Variants in PRKAR1B observed in about 807,000 individuals in gnomAD.
The protein encoded by PRKAR1B is protein kinase cAMP-dependent type I regulatory subunit beta.
A neutral mutation model predicts 46.5 loss-of-function variants in PRKAR1B; 22 were observed. The observed-to-expected ratio is 0.47, with a 90% CI of 0.34 to 0.68. The LOEUF (loss-of-function observed/expected upper bound fraction) is 0.68. PRKAR1B is among the 30% of genes least tolerant of loss of function. The probability of loss-of-function intolerance (pLI) is 0.01; values close to 1 mark genes in which losing one functional copy is unlikely to be tolerated. For missense variants in PRKAR1B, 445 were observed against 535.6 expected, an observed-to-expected ratio of 0.83 and a Z score of 1.67; for synonymous variants, 259 against 217.7, an observed-to-expected ratio of 1.19 and a Z score of -1.67.
At chr7:595,204 G>A (rs1418462798) in intron 7 of PRKAR1B, among the ~76,000 whole-genome samples, 3 of 152,218 alleles carry the variant, frequency 2.0e-5, no homozygotes, top group African/African-American at 7.2e-5. Context: ...GCCCAGCCCT[G>A]TGCTGCTGTT....
chr7:577,855 G>C (rs1048848824), intron 9 of PRKAR1B, among the ~76,000 whole-genome samples: 1 of 152,260 alleles, frequency 6.6e-6, no homozygotes, highest in African/African-American at 2.4e-5. Flanking sequence ...GCAGTGTTTG[G>C]TGTTACAGCT....
At chr7:709,090 A>G (rs1297491595) in intron 2 of PRKAR1B, among the ~76,000 whole-genome samples, 1 of 126,524 alleles carries the variant, frequency 7.9e-6, no homozygotes, top group Non-Finnish European at 1.6e-5. Context: ...CGCACCCACC[A>G]GCCCCAATAT....
At chr7:697,667 G>T (rs1376759350) in intron 2 of PRKAR1B, among the ~76,000 whole-genome samples, 2 of 151,836 alleles carry the variant, frequency 1.3e-5, no homozygotes, top group Non-Finnish European at 2.9e-5. Flanking sequence ...CCCCAGGCCA[G>T]GACCCATAAG....
At chr7:557,302 C>T (rs763039899) in intron 9 of PRKAR1B, among the ~76,000 whole-genome samples, 6 of 152,230 alleles carry the variant, frequency 3.9e-5, no homozygotes, top group Admixed American at 1.3e-4. Context: ...AGCCACGACT[C>T]GGGAGGGCCA....
intron 1 of PRKAR1B, among the ~76,000 whole-genome samples, chr7:718,236 C>T (rs887382761): frequency 6.6e-6 from 1 of 150,800 alleles, no homozygotes; most frequent in Non-Finnish European, 1.5e-5. Flanking sequence ...CAGGCCTTCA[C>T]TGGGGGAAGC....
chr7:622,475 G>A (rs539781001), intron 4 of PRKAR1B, among the ~76,000 whole-genome samples: 27 of 152,350 alleles, frequency 1.8e-4, no homozygotes, highest in African/African-American at 6.3e-4. Flanking sequence ...GAACATGAAT[G>A]TGCTAGGATC....
At chr7:709,122 A>G (rs1388972039) in intron 2 of PRKAR1B, among the ~76,000 whole-genome samples, 1 of 149,718 alleles carries the variant, frequency 6.7e-6, no homozygotes, top group African/African-American at 2.4e-5. Context: ...AAAAAAAAAA[A>G]AAAAAAAAAA....
At position 621,866 on chromosome 7, in the gene PRKAR1B, A is replaced by G. The variant is rs1783123078; in HGVS notation, c.441-14414T>C. On this transcript the variant is annotated intron_variant, in intron 4 of 10. Transcript: ENST00000537384. ...TGAGGCTTGTGAAGCACTCAGCAGAATAAGGGGCTCCCACGGTCAGCAGCT... is the reference window on the plus strand; with the variant it reads ...TGAGGCTTGTGAAGCACTCAGCAGAGTAAGGGGCTCCCACGGTCAGCAGCT... 2.0e-5 allele frequency among the ~76,000 whole-genome samples: 3 copies of G among 152,328 alleles called. No homozygotes were observed. The South Asian group carries it at 6.2e-4, about 32-fold the overall frequency.
At chr7:615,779 G>T (rs1208120538) in intron 4 of PRKAR1B, among the ~76,000 whole-genome samples, 1 of 131,762 alleles carries the variant, frequency 7.6e-6, no homozygotes, top group Non-Finnish European at 1.5e-5. Context: ...AGTGAGCCGA[G>T]ATCGCGCCAC....
chr7:586,922 T>C lies in PRKAR1B; in HGVS notation c.709-2354A>G, dbSNP rs545546527. Among the ~76,000 whole-genome samples, 33 of 151,378 alleles carry C rather than the reference T, an allele frequency of 2.2e-4. 1 individual carries two copies. In the South Asian group the frequency reaches 6.6e-3, roughly 30 times the overall value. On this transcript the variant is annotated intron_variant, in intron 7 of 10. Coordinates refer to ENST00000537384, the MANE Select transcript of PRKAR1B (RefSeq NM_001164760.2). ...TTTTTTTGAGACAGTCTCACTCTGT[T>C]GCCCAGGCTGGAGTGTAGTGGTGCG...
At chr7:701,308 GAAAGAAAGA>G (rs1018571426) in intron 2 of PRKAR1B, among the ~76,000 whole-genome samples, 2 of 150,496 alleles carry the variant, frequency 1.3e-5, no homozygotes, top group African/African-American at 2.5e-5. Context: ...GAAAAAGAAA[GAAAGAAAGA>G]AAAGAAAGAG....
intron 7 of PRKAR1B, among the ~76,000 whole-genome samples, chr7:591,460 C>T (rs1002768223): frequency 6.6e-6 from 1 of 152,224 alleles, no homozygotes; most frequent in African/African-American, 2.4e-5. Flanking sequence ...ACCCACTTCC[C>T]ATGAGTCGGC....
chr7:570,357 C>A (rs942526601), intron 9 of PRKAR1B, among the ~76,000 whole-genome samples: 3 of 152,174 alleles, frequency 2.0e-5, no homozygotes, highest in Admixed American at 2.0e-4. Flanking sequence ...GACTTTCATA[C>A]CCCCCGTCAA....
intron 4 of PRKAR1B, among the ~76,000 whole-genome samples, chr7:674,802 C>CA: frequency 6.6e-6 from 1 of 152,370 alleles, no homozygotes. Flanking sequence ...ACAGAAGCAA[C>CA]AGGTGTTCCT....
At position 550,556 on chromosome 7, in the gene PRKAR1B, C is replaced by A; in HGVS notation, c.1020G>T (p.Val340=). 6.2e-7 allele frequency: 1 copy of A among 1,601,338 alleles called. No homozygotes were observed. The highest frequency in any genetic ancestry group is 1.7e-5 in the Admixed American group (1 of 57,646). Residue 340 remains valine (V), a synonymous_variant, in exon 11 of 11, where the codon GTG becomes GTT. Transcript: ENST00000537384. Reference sequence around the variant, plus strand: ...TCACACACTTGAGGGGCCCCCGGGCCACGACAGTGGCCGCCCGGGGCCGGT... The same window carrying A: ...TCACACACTTGAGGGGCCCCCGGGCAACGACAGTGGCCGCCCGGGGCCGGT... The part of the protein sequence containing the change: ...LLNRPRAATV[V]ARGPLKCVKL...
At chr7:675,110 ATCG>A (rs2128504361) in intron 4 of PRKAR1B, among the ~76,000 whole-genome samples, 1 of 152,368 alleles carries the variant, frequency 6.6e-6, no homozygotes, top group East Asian at 1.9e-4. Flanking sequence ...TCACGGAAAC[ATCG>A]GAGCACGGAG....
At chr7:706,452 C>A (rs1385644863) in intron 2 of PRKAR1B, among the ~76,000 whole-genome samples, 1 of 44,410 alleles carries the variant, frequency 2.3e-5, no homozygotes, top group East Asian at 4.8e-4. Flanking sequence ...GAGACGGAGT[C>A]TCGCTCTATC....
At chr7:588,747 A>ATGACGGTGGTGATGATGATGG (rs1396032662) in intron 7 of PRKAR1B, among the ~76,000 whole-genome samples, 3 of 5,988 alleles carry the variant, frequency 5.0e-4, no homozygotes, top group Admixed American at 1.8e-3. Flanking sequence ...GACAGTGGTG[A>ATGACGGTGGTGATGATGATGG]TGGTGATGGT....
In PRKAR1B at chr7:678,339, C is replaced by T. The variant is rs979624346; in HGVS notation, c.349-1019G>A. The stretch of plus-strand genomic sequence containing the variant: ...TAAAAAATATGGTATCATAATCTTA[C>T]GGAACCACATATATGCAATCTGTCA... On this transcript the variant is annotated intron_variant, in intron 3 of 10. Coordinates refer to ENST00000537384, the MANE Select transcript of PRKAR1B (RefSeq NM_001164760.2). Among the ~76,000 whole-genome samples the T allele has an allele frequency of 5.9e-5, 9 of 152,276 alleles. No individual in the cohort carries two copies. The South Asian group carries it at 1.0e-3, about 18-fold the overall frequency.
Sources: allele counts gnomAD v4.1 joint callset (sites outside exome capture counted in the v4.1 genomes callset), GRCh38; gene constraint gnomAD v4.1.1; transcripts MANE v1.5; gene names NCBI Gene and HGNC (gene_info 2026-07-23, HGNC 2026-07-21).